YAP1: variants seen among roughly 807,000 people sequenced by gnomAD.
YAP1 encodes the protein transcriptional coactivator YAP1.
Under a neutral mutation model 56.9 loss-of-function variants are expected in YAP1, and 5 were observed. That is an observed-to-expected ratio of 0.09 (90% CI 0.05 to 0.18). The LOEUF is 0.18. Among genes scored for constraint, YAP1 ranks in the 10% least tolerant of loss-of-function variants. The probability of loss-of-function intolerance (pLI) is 1.00; values close to 1 mark genes in which losing one functional copy is unlikely to be tolerated. For missense variants in YAP1, 539 were observed against 651.8 expected (o/e 0.83, Z 1.88); for synonymous variants, 265 against 248.1 (o/e 1.07, Z -0.64).
chr11:102,224,006 C>G (rs1404802621), intron 7 of YAP1, among the ~76,000 whole-genome samples: 5 of 152,310 alleles, frequency 3.3e-5, no homozygotes, highest in African/African-American at 1.2e-4. Context: ...TCTGCCTATA[C>G]TGTTGACTAA....
chr11:102,187,852 G>A (rs1948058524), intron 4 of YAP1, among the ~76,000 whole-genome samples: 1 of 152,154 alleles, frequency 6.6e-6, no homozygotes, highest in Non-Finnish European at 1.5e-5. Flanking sequence ...ACAGTTAGAT[G>A]TGCCCAGAAA....
At chr11:102,172,557 T>C (rs564246771) in intron 3 of YAP1, among the ~76,000 whole-genome samples, 2 of 151,538 alleles carry the variant, frequency 1.3e-5, no homozygotes, top group African/African-American at 4.8e-5. Context: ...TGGCAGCTTT[T>C]CTGGGGATTA....
At chr11:102,153,420 TTAAAAAGGA>T (rs1945774526) in intron 2 of YAP1, among the ~76,000 whole-genome samples, 1 of 152,214 alleles carries the variant, frequency 6.6e-6, no homozygotes, top group Non-Finnish European at 1.5e-5. Context: ...TGTCTTCTTT[TTAAAAAGGA>T]TAGCAGAGAA....
At chr11:102,140,667 A>T (rs1248540482) in intron 2 of YAP1, among the ~76,000 whole-genome samples, 1 of 152,040 alleles carries the variant, frequency 6.6e-6, no homozygotes, top group Non-Finnish European at 1.5e-5. Flanking sequence ...ACATGGTGAA[A>T]CCCTGTCTCT....
chr11:102,154,469 A>G (rs1373375950), intron 2 of YAP1, among the ~76,000 whole-genome samples: 1 of 152,162 alleles, frequency 6.6e-6, no homozygotes, highest in Non-Finnish European at 1.5e-5. Flanking sequence ...TTAAAAAAAA[A>G]TTACACATGC....
At chr11:102,219,745 GT>G (rs955409542) in intron 6 of YAP1, among the ~76,000 whole-genome samples, 2 of 151,440 alleles carry the variant, frequency 1.3e-5, no homozygotes, top group African/African-American at 4.8e-5. Context: ...TGATGACCTG[GT>G]TTTTTTTGTT....
At chr11:102,129,126 TTAAC>T (rs1666829286) in intron 2 of YAP1, among the ~76,000 whole-genome samples, 1 of 152,250 alleles carries the variant, frequency 6.6e-6, no homozygotes, top group Admixed American at 6.5e-5. Flanking sequence ...TGAGATGTGT[TTAAC>T]TGAGTTTTAT....
intron 3 of YAP1, among the ~76,000 whole-genome samples, chr11:102,185,226 T>C (rs1426344018): frequency 6.6e-6 from 1 of 152,220 alleles, no homozygotes; most frequent in Non-Finnish European, 1.5e-5. Flanking sequence ...GGGCCTCTCT[T>C]TTCATTGCTG....
chr11:102,113,194 T>C (rs1300685461), intron 1 of YAP1, among the ~76,000 whole-genome samples: 1 of 152,214 alleles, frequency 6.6e-6, no homozygotes, highest in African/African-American at 2.4e-5. Flanking sequence ...ATAATCAAAC[T>C]CTAATGCTAA....
In YAP1 at chr11:102,114,276, G is replaced by A; in HGVS notation, c.454G>A (p.Ala152Thr). Reference protein sequence around the residue: ...LTPTGVVSGPAATPTAQHLRQ... With the variant: ...LTPTGVVSGPTATPTAQHLRQ... Reference sequence around the variant, plus strand: ...CCCCACTGGAGTAGTCTCTGGCCCAGCAGCTACACCCACAGCTCAGCATCT... The same window carrying A: ...CCCCACTGGAGTAGTCTCTGGCCCAACAGCTACACCCACAGCTCAGCATCT... The change falls in exon 2 of 9, where the codon GCA (alanine) becomes ACA (threonine). Residue 152 changes from alanine (A) to threonine (T), a missense_variant. This residue lies in a region of YAP1 where 414 missense variants were observed against 512.4 expected (regional missense o/e 0.81). Coordinates refer to ENST00000282441, the MANE Select transcript of YAP1 (RefSeq NM_001130145.3). 1 of 1,614,164 alleles carries A rather than the reference G, an allele frequency of 6.2e-7. No homozygotes were observed. The highest frequency in any genetic ancestry group is 2.2e-5 in the East Asian group (1 of 44,888).
chr11:102,210,909 T>C (rs1414615635), intron 6 of YAP1, among the ~76,000 whole-genome samples: 4 of 152,098 alleles, frequency 2.6e-5, no homozygotes, highest in South Asian at 2.1e-4. Context: ...CCCGCCACCA[T>C]GCCCAGCTAA....
intron 2 of YAP1, among the ~76,000 whole-genome samples, chr11:102,153,233 T>G (rs1222521193): frequency 6.6e-6 from 1 of 152,222 alleles, no homozygotes; most frequent in Non-Finnish European, 1.5e-5. Flanking sequence ...TAGTTCATCT[T>G]TTGTGTAGCA....
intron 4 of YAP1, among the ~76,000 whole-genome samples, chr11:102,192,823 A>AGT (rs1302794778): frequency 2.6e-5 from 4 of 152,238 alleles, no homozygotes; most frequent in Non-Finnish European, 2.9e-5. Flanking sequence ...CTCTGGTCAC[A>AGT]GTGTGGAATT....
At chr11:102,202,527 G>A (rs912906629) in intron 4 of YAP1, among the ~76,000 whole-genome samples, 1 of 151,394 alleles carries the variant, frequency 6.6e-6, no homozygotes, top group Non-Finnish European at 1.5e-5. Context: ...GAGGACTCTG[G>A]GACCAACTCA....
At chr11:102,122,895 C>CAAAAAAAAAA (rs56934997) in intron 2 of YAP1, among the ~76,000 whole-genome samples, 11,245 of 78,818 alleles carry the variant, frequency 0.14, 1,007 homozygotes, top group East Asian at 0.18. Flanking sequence ...AGACTTCTCT[C>CAAAAAAAAAA]AAAAAAAAAA....
chr11:102,127,930 C>T (rs1328742502), intron 2 of YAP1, among the ~76,000 whole-genome samples: 3 of 152,196 alleles, frequency 2.0e-5, no homozygotes, highest in South Asian at 4.1e-4. Flanking sequence ...ATTTCGGACT[C>T]GCATGGGCCC....
At chr11:102,187,171 C>T (rs1173165067) in intron 4 of YAP1, among the ~76,000 whole-genome samples, 1 of 152,170 alleles carries the variant, frequency 6.6e-6, no homozygotes, top group Non-Finnish European at 1.5e-5. Flanking sequence ...AAAATAACTT[C>T]TCCATCGGGA....
intron 5 of YAP1, among the ~76,000 whole-genome samples, chr11:102,207,432 C>G (rs1949177458): frequency 6.6e-6 from 1 of 151,902 alleles, no homozygotes; most frequent in Non-Finnish European, 1.5e-5. Flanking sequence ...TGGCTCATGC[C>G]TCTAATCCCA....
intron 2 of YAP1, among the ~76,000 whole-genome samples, chr11:102,150,347 A>G (rs1274224182): frequency 1.3e-5 from 2 of 152,160 alleles, no homozygotes; most frequent in African/African-American, 2.4e-5. Context: ...TTGTCTGCCA[A>G]TCAAGAAGTT....
Sources: gnomAD v4.1 joint callset for allele counts (sites outside exome capture counted in the v4.1 genomes callset) on GRCh38, gnomAD v4.1.1 for gene constraint, gnomAD v4.1.1 regional missense constraint, MANE v1.5 for transcripts, NCBI Gene and HGNC (gene_info 2026-07-23, HGNC 2026-07-21) for gene names.